The following CNIH2 variants were observed in gnomAD, a reference collection of about 807,000 sequenced individuals.
The protein encoded by CNIH2 is cornichon family AMPA receptor auxiliary protein 2.
In CNIH2, 8 loss-of-function variants were observed where a neutral mutation model predicts 22.9. The observed-to-expected ratio is 0.35, with a 90% CI of 0.20 to 0.63. The LOEUF (loss-of-function observed/expected upper bound fraction) is 0.63, where lower values mean the gene tolerates loss of function less well. Ranked by LOEUF, CNIH2 falls within the 30% of genes least tolerant of loss-of-function variation. The pLI, the probability that CNIH2 is intolerant of heterozygous loss-of-function variation, is 0.72. For synonymous variants in CNIH2, 74 were observed against 78.2 expected, an observed-to-expected ratio of 0.95 and a Z score of 0.28; for missense variants, 105 against 206.2, an observed-to-expected ratio of 0.51 and a Z score of 3.01.
At chr11:66,279,770 G>T (rs1271834446) in intron 1 of CNIH2, among the ~76,000 whole-genome samples, 1 of 152,108 alleles carries the variant, frequency 6.6e-6, no homozygotes, top group Non-Finnish European at 1.5e-5. Flanking sequence ...GGAATCCATA[G>T]ACTGAACCCC....
Position 66,278,430 on chromosome 11 carries a change from C to G in CNIH2, c.-27C>G, listed in dbSNP as rs1857196183. ...GCGCCCGGGCCCCGCGCTGGCGCCC[C>G]CCGGGCCGCCGCCCGGCGCGGGGGC... is the stretch of plus-strand genomic sequence containing the variant. On this transcript the variant is annotated 5_prime_UTR_variant, in exon 1 of 6. Transcript: ENST00000311445. 1 of 1,165,590 alleles carries G rather than the reference C, an allele frequency of 8.6e-7. No individual in the cohort carries two copies. The allele number at this position is 1,165,590 out of a possible 1,614,324, so 72.2% of individuals were successfully genotyped here.
chr11:66,280,856 G>A (rs1857249525), intron 1 of CNIH2, among the ~76,000 whole-genome samples: 1 of 152,110 alleles, frequency 6.6e-6, no homozygotes, highest in Non-Finnish European at 1.5e-5. Context: ...GATGCCTGGG[G>A]GTGGTGGGCC....
At position 66,282,797 on chromosome 11, in the gene CNIH2, G is replaced by C. The variant is rs1857282789; in HGVS notation, c.198+17G>C. 2.5e-6 allele frequency: 4 copies of C among 1,605,314 alleles called. No homozygotes were observed. Among genetic ancestry groups the C allele is most frequent in the Non-Finnish European group, 2.6e-6 (3 of 1,176,382 alleles). On this transcript the variant is annotated intron_variant, in intron 3 of 5. Transcript: ENST00000311445. ...CTGAGGAAGGTCAGTGTCAGGGCTG[G>C]GGGCAGGAGGCTCCTAGCCCAGCGC...
At chr11:66,282,957 C>A in intron 3 of CNIH2, 78 bp from the exon 4 acceptor site, 1 of 1,424,784 alleles carries the variant, frequency 7.0e-7, no homozygotes, top group Non-Finnish European at 9.9e-7. Context: ...ACCTCCCAAA[C>A]CCCAGCTCCT....
At chr11:66,279,893 C>T (rs1202890451) in intron 1 of CNIH2, among the ~76,000 whole-genome samples, 1 of 152,170 alleles carries the variant, frequency 6.6e-6, no homozygotes. Context: ...CTTTGTCTTT[C>T]CCCCTCTCCC....
intron 2 of CNIH2, 31 bp from the exon 3 acceptor site, chr11:66,282,702 C>G (rs1256520968): frequency 1.2e-6 from 2 of 1,613,328 alleles, no homozygotes; most frequent in Non-Finnish European, 1.7e-6. Flanking sequence ...TTCTCCGCCA[C>G]CCCATCGCGG....
At position 66,283,715 on chromosome 11, in the gene CNIH2, G is replaced by C; in HGVS notation, c.*118G>C. The C allele has an allele frequency of 8.6e-7, 1 of 1,159,806 alleles. No homozygotes were observed. The highest frequency in any genetic ancestry group is 1.2e-6 in the Non-Finnish European group (1 of 820,722). The allele number at this position is 1,159,806 out of a possible 1,614,324, so 71.8% of individuals were successfully genotyped here. ...GAGGGAGGGGGCACTGGTGCCCCCAGCCTCTCCAACCCCCAAACTGCTGCT... is the reference window on the plus strand; with the variant it reads ...GAGGGAGGGGGCACTGGTGCCCCCACCCTCTCCAACCCCCAAACTGCTGCT... On this transcript the variant is annotated 3_prime_UTR_variant, in exon 6 of 6. Coordinates refer to ENST00000311445, the MANE Select transcript of CNIH2 (RefSeq NM_182553.3).
At chr11:66,279,261 C>T (rs1857221360) in intron 1 of CNIH2, among the ~76,000 whole-genome samples, 3 of 151,994 alleles carry the variant, frequency 2.0e-5, no homozygotes, top group African/African-American at 7.3e-5. Flanking sequence ...ACACCTGGTT[C>T]TTCAAAATGT....
At chr11:66,279,006 C>G (rs965511622) in intron 1 of CNIH2, among the ~76,000 whole-genome samples, 2 of 141,386 alleles carry the variant, frequency 1.4e-5, no homozygotes, top group Non-Finnish European at 3.0e-5. Context: ...ACCCACAGAT[C>G]TCAGAGTCCA....
At chr11:66,282,908 CAG>C in intron 3 of CNIH2, 125 bp from the exon 4 acceptor site, 3 of 1,382,136 alleles carry the variant, frequency 2.2e-6, no homozygotes, top group Non-Finnish European at 1.0e-6. Context: ...AGTGGGAAGC[CAG>C]AGGCCTTTTA....
intron 1 of CNIH2, among the ~76,000 whole-genome samples, chr11:66,280,195 G>A (rs1189257424): frequency 6.6e-6 from 1 of 152,222 alleles, no homozygotes; most frequent in East Asian, 1.9e-4. Context: ...GGGGGTCAAG[G>A]ATGAATAAAA....
intron 2 of CNIH2, 168 bp downstream of exon 2, chr11:66,282,495 T>A: frequency 1.1e-6 from 1 of 937,402 alleles, no homozygotes; most frequent in Non-Finnish European, 1.7e-6. Flanking sequence ...GGCTCAGGGC[T>A]GAGTTCCTCT....
At chr11:66,281,399 A>G (rs993655312) in intron 1 of CNIH2, 2 of 456,182 alleles carry the variant, frequency 4.4e-6, no homozygotes, top group African/African-American at 4.0e-5. Context: ...TAAATGAGTG[A>G]ATCCACATAC....
chr11:66,279,988 C>T (rs1002291901), intron 1 of CNIH2, among the ~76,000 whole-genome samples: 6 of 152,170 alleles, frequency 3.9e-5, no homozygotes, highest in African/African-American at 1.4e-4. Flanking sequence ...AGCTGGGGGC[C>T]ACAGGCTAGG....
chr11:66,281,457 C>G lies in CNIH2; in HGVS notation c.82-802C>G, dbSNP rs141970270. 714 of 456,290 alleles carry G rather than the reference C, an allele frequency of 1.6e-3. 4 individuals carry two copies. The highest frequency in any genetic ancestry group is 0.013 in the African/African-American group (655 of 50,194). The allele number at this position is 456,290 out of a possible 1,614,324, so 28.3% of individuals were successfully genotyped here. ...GATCTCAGCTGTGACTGTCAGTGAGCTCGGATTTCCTGCCCCACCAATCCT... is the reference window on the plus strand; with the variant it reads ...GATCTCAGCTGTGACTGTCAGTGAGGTCGGATTTCCTGCCCCACCAATCCT... On this transcript the variant is annotated intron_variant, in intron 1 of 5. Coordinates refer to ENST00000311445, the MANE Select transcript of CNIH2 (RefSeq NM_182553.3).
intron 1 of CNIH2, among the ~76,000 whole-genome samples, chr11:66,280,921 T>C (rs1032181904): frequency 4.6e-5 from 7 of 152,172 alleles, no homozygotes; most frequent in Non-Finnish European, 8.8e-5. Context: ...CAGGCTCCTC[T>C]GCCAGCCCAT....
intron 2 of CNIH2, 97 bp from the exon 3 acceptor site, chr11:66,282,636 C>T: frequency 2.1e-6 from 3 of 1,427,534 alleles, no homozygotes; most frequent in Non-Finnish European, 2.9e-6. Context: ...GCAGAGATCG[C>T]TCTGGCGCCC....
At chr11:66,283,440 C>A (rs1565185957) in intron 5 of CNIH2, 49 bp downstream of exon 5, 1 of 1,611,866 alleles carries the variant, frequency 6.2e-7, no homozygotes, top group South Asian at 1.1e-5. Context: ...GATGTCCCAG[C>A]ATCACGCTTC....
intron 1 of CNIH2, among the ~76,000 whole-genome samples, chr11:66,280,953 C>T (rs1565185000): frequency 6.6e-6 from 1 of 152,196 alleles, no homozygotes; most frequent in Non-Finnish European, 1.5e-5. Flanking sequence ...CACCTGTCAG[C>T]TCCTTCCCAT....
Sources: gnomAD v4.1 joint callset for allele counts (sites outside exome capture counted in the v4.1 genomes callset) on GRCh38, gnomAD v4.1.1 for gene constraint, MANE v1.5 for transcripts, NCBI Gene and HGNC (gene_info 2026-07-23, HGNC 2026-07-21) for gene names.